Variants in TMEM131 observed in about 807,000 individuals in gnomAD.
TMEM131 encodes the protein 2610524E03Rik.
A neutral mutation model predicts 211.6 loss-of-function variants in TMEM131; 66 were observed. That is an observed-to-expected ratio of 0.31 (90% CI 0.26 to 0.38). The LOEUF (loss-of-function observed/expected upper bound fraction) is 0.38. TMEM131 is among the 10% of genes least tolerant of loss of function. The probability of loss-of-function intolerance (pLI) is 1.00; values close to 1 mark genes in which losing one functional copy is unlikely to be tolerated. For synonymous variants in TMEM131, 844 were observed against 841.3 expected (o/e 1.00, Z -0.06); for missense variants, 2,036 against 2,299.3 (o/e 0.89, Z 2.34).
At chr2:97,880,723 G>A (rs1450491268) in intron 4 of TMEM131, among the ~76,000 whole-genome samples, 1 of 152,156 alleles carries the variant, frequency 6.6e-6, no homozygotes, top group Non-Finnish European at 1.5e-5. Flanking sequence ...GAGATTGGGA[G>A]ATTACAGGCA....
At chr2:97,836,979 CAT>C in intron 8 of TMEM131, 96 bp downstream of exon 8, 1 of 882,442 alleles carries the variant, frequency 1.1e-6, no homozygotes, top group Non-Finnish European at 1.8e-6. Context: ...AGAAGTCATC[CAT>C]ATTTGTTAAG....
intron 28 of TMEM131, among the ~76,000 whole-genome samples, 153 bp from the exon 29 acceptor site, chr2:97,795,268 T>C (rs1021499039): frequency 2.0e-5 from 3 of 151,870 alleles, no homozygotes; most frequent in Non-Finnish European, 4.4e-5. Context: ...AAAAAAGTAT[T>C]GTCCCATGGT....
chr2:97,995,777 G>T lies in TMEM131; in HGVS notation c.-115C>A, dbSNP rs962576994. On this transcript the variant is annotated 5_prime_UTR_variant, in exon 1 of 41. Transcript: ENST00000186436. ...GGCCGCGGCGCCGGGAGCGACAACG[G>T]TTGCGAGCCCGGGGCTCGATCTCCG... 52 of 772,890 alleles carry T rather than the reference G, an allele frequency of 6.7e-5. 1 individual carries two copies. The highest frequency in any genetic ancestry group is 1.5e-4 in the Admixed American group (3 of 19,538). The allele number at this position is 772,890 out of a possible 1,614,324, so 47.9% of individuals were successfully genotyped here. A position where few individuals can be genotyped will look rare whatever the true frequency, so the allele number is the denominator to read the frequency against.
chr2:97,995,461 C>A lies in TMEM131; in HGVS notation c.187+15G>T. 1 of 1,379,120 alleles carries A rather than the reference C, an allele frequency of 7.3e-7. No individual in the cohort carries two copies. The highest frequency in any genetic ancestry group is 9.4e-7 in the Non-Finnish European group (1 of 1,062,232). 85.4% of individuals were successfully genotyped at this position (1,379,120 alleles called of 1,614,324 possible). A position where few individuals can be genotyped will look rare whatever the true frequency, so the allele number is the denominator to read the frequency against. On this transcript the variant is annotated intron_variant, in intron 1 of 40. Transcript: ENST00000186436. ...TGACAGCCCCGCCGCAGGGACGCCGCCGGGGGACACCCACCTTCCTTCTCG... is the reference window on the plus strand; with the variant it reads ...TGACAGCCCCGCCGCAGGGACGCCGACGGGGGACACCCACCTTCCTTCTCG...
chr2:97,993,381 A>C (rs1255133109), intron 1 of TMEM131, among the ~76,000 whole-genome samples: 2 of 152,222 alleles, frequency 1.3e-5, no homozygotes, highest in Non-Finnish European at 2.9e-5. Context: ...GCCTCATCAG[A>C]TGCCAGACTC....
intron 4 of TMEM131, among the ~76,000 whole-genome samples, chr2:97,884,274 G>A (rs1178220853): frequency 1.3e-5 from 2 of 152,036 alleles, no homozygotes; most frequent in African/African-American, 4.8e-5. Context: ...ATTCCATTGT[G>A]GTCAGATAAG....
At chr2:97,951,357 G>A (rs35255677) in intron 1 of TMEM131, among the ~76,000 whole-genome samples, 47,008 of 151,982 alleles carry the variant, frequency 0.31, 8,587 homozygotes, top group Non-Finnish European at 0.39. Context: ...CACACAGCGG[G>A]GTGGAAGGCA....
chr2:97,971,909 C>A (rs7583868), intron 1 of TMEM131, among the ~76,000 whole-genome samples: 50,603 of 151,986 alleles, frequency 0.33, 9,272 homozygotes, highest in Non-Finnish European at 0.39. Context: ...CAATTCTTCA[C>A]TGTCATCAAA....
In TMEM131 at chr2:97,757,157, G is replaced by C. The variant is rs200561143; in HGVS notation, c.5594C>G (p.Thr1865Arg). The change falls in exon 41 of 41, where the codon ACG becomes AGG. Residue 1865 changes from threonine (T) to arginine (R), a missense_variant. Thr to Arg is a moderately conservative substitution (Grantham distance 71). This residue lies in a region of TMEM131 where 1,623 missense variants were observed against 1,805.9 expected (regional missense o/e 0.90). Coordinates refer to ENST00000186436, the MANE Select transcript of TMEM131 (RefSeq NM_015348.2). ...TYNPWRIWSP[T>R]IGRRSSDPWS... ...AGGGTCCGAGCTTCTTCTTCCAATC[G>C]TGGGGCTCCATATCCGCCACGGGTT... The C allele has an allele frequency of 1.9e-6, 3 of 1,613,456 alleles. No homozygotes were observed. The highest frequency in any genetic ancestry group is 2.5e-6 in the Non-Finnish European group (3 of 1,179,520).
intron 1 of TMEM131, among the ~76,000 whole-genome samples, chr2:97,942,198 C>G (rs1200294192): frequency 6.6e-6 from 1 of 151,724 alleles, no homozygotes; most frequent in Non-Finnish European, 1.5e-5. Context: ...AGCTGGAAAC[C>G]ATCGTTCTGA....
chr2:97,911,100 A>G (rs1238641573), intron 2 of TMEM131, among the ~76,000 whole-genome samples: 1 of 152,226 alleles, frequency 6.6e-6, no homozygotes, highest in Non-Finnish European at 1.5e-5. Context: ...ACAATGGAAT[A>G]CGACTCAGCA....
chr2:97,919,117 T>C (rs1403330592), intron 2 of TMEM131, among the ~76,000 whole-genome samples: 1 of 152,192 alleles, frequency 6.6e-6, no homozygotes, highest in Non-Finnish European at 1.5e-5. Context: ...AGGTAGAAGT[T>C]GTCAAGCTTC....
chr2:97,779,353 G>A (rs1466637768), intron 31 of TMEM131, among the ~76,000 whole-genome samples: 2 of 152,204 alleles, frequency 1.3e-5, no homozygotes, highest in African/African-American at 2.4e-5. Context: ...CTGGATGGCC[G>A]ACGTCTAGCT....
At chr2:97,887,368 C>A (rs1199179654) in intron 4 of TMEM131, among the ~76,000 whole-genome samples, 2 of 152,184 alleles carry the variant, frequency 1.3e-5, no homozygotes, top group South Asian at 2.1e-4. Flanking sequence ...CCGGTGGTTG[C>A]CCACAGGGCT....
intron 15 of TMEM131, 140 bp downstream of exon 15, chr2:97,813,831 T>C: frequency 1.5e-6 from 1 of 680,442 alleles, no homozygotes; most frequent in Non-Finnish European, 2.3e-6. Context: ...CCTGGAAAGG[T>C]AAAAACTGAC....
intron 1 of TMEM131, among the ~76,000 whole-genome samples, chr2:97,947,473 G>A (rs898845648): frequency 1.3e-5 from 2 of 151,436 alleles, no homozygotes; most frequent in South Asian, 4.2e-4. Context: ...AGGAACAACT[G>A]GAAAATAAAA....
rs867215657 is a variant in TMEM131, at chr2:97,995,439, C to T, written c.187+37G>A. ...CCCGGCCTCCGCGAGAGCGGGGTGA[C>T]AGCCCCGCCGCAGGGACGCCGCCGG... On this transcript the variant is annotated intron_variant, in intron 1 of 40. Transcript: ENST00000186436. 139 of 1,329,732 alleles carry T rather than the reference C, an allele frequency of 1.0e-4. 1 individual carries two copies. In the African/African-American group the frequency reaches 1.8e-3, roughly 17 times the overall value. 82.4% of individuals were successfully genotyped at this position (1,329,732 alleles called of 1,614,324 possible). A position where few individuals can be genotyped will look rare whatever the true frequency, so the allele number is the denominator to read the frequency against.
chr2:97,785,135 C>G lies in TMEM131; in HGVS notation c.4144+7251G>C, dbSNP rs59434164. Among the ~76,000 whole-genome samples the G allele has an allele frequency of 2.6e-5, 4 of 152,170 alleles. No homozygotes were observed. In the South Asian group the frequency reaches 8.3e-4, roughly 32 times the overall value. On this transcript the variant is annotated intron_variant, in intron 31 of 40. Transcript: ENST00000186436. The stretch of plus-strand genomic sequence containing the variant: ...TGACTTAAAAATTAACATCTTCCCC[C>G]CACTTTAAGTCAAAGTGAACTCCAA...
chr2:97,812,721 T>G lies in TMEM131; in HGVS notation c.1646A>C (p.Glu549Ala). The G allele has an allele frequency of 6.3e-7, 1 of 1,589,518 alleles. No individual in the cohort carries two copies. Among genetic ancestry groups the G allele is most frequent in the Non-Finnish European group, 8.5e-7 (1 of 1,172,662 alleles). The change falls in exon 16 of 41, where the codon GAA becomes GCA. Residue 549 changes from glutamate (E) to alanine (A), a missense_variant. By Grantham distance (107) the Glu-to-Ala change is moderately radical. Transcript: ENST00000186436. ...CAGTACTCCAAAATCTATGAAACGTTCCTCTATTTTGGGGGGCAATACAAA... is the reference window on the plus strand; with the variant it reads ...CAGTACTCCAAAATCTATGAAACGTGCCTCTATTTTGGGGGGCAATACAAA... ...DYFVLPPKIE[E>A]RFIDFGVLSA...
Sources: allele counts gnomAD v4.1 joint callset (sites outside exome capture counted in the v4.1 genomes callset), GRCh38; gene constraint gnomAD v4.1.1; regional missense constraint gnomAD v4.1.1; transcripts MANE v1.5; gene names NCBI Gene and HGNC (gene_info 2026-07-23, HGNC 2026-07-21).